EIF2S2: variants seen among roughly 807,000 people sequenced by gnomAD.
EIF2S2 encodes the protein eukaryotic translation initiation factor 2 subunit 2.
EIF2S2 carries 4 observed loss-of-function variants against 44.0 expected under a neutral mutation model. The ratio of observed to expected loss-of-function variants is 0.09; its 90% CI spans 0.04 to 0.21. The LOEUF is 0.21. Ranked by LOEUF, EIF2S2 falls within the 10% of genes least tolerant of loss-of-function variation. The pLI is 1.00. For missense variants in EIF2S2, 154 were observed against 392.0 expected, an observed-to-expected ratio of 0.39 and a Z score of 5.13; for synonymous variants, 108 against 128.3, an observed-to-expected ratio of 0.84 and a Z score of 1.07.
At chr20:34,100,959 G>A (rs1416704826) in intron 3 of EIF2S2, among the ~76,000 whole-genome samples, 1 of 151,728 alleles carries the variant, frequency 6.6e-6, no homozygotes, top group East Asian at 1.9e-4. Flanking sequence ...TCCCTATCCT[G>A]AACTGTGCTG....
chr20:34,099,227 G>C lies in EIF2S2; in HGVS notation c.298-594C>G, dbSNP rs531477068. On this transcript the variant is annotated intron_variant, in intron 3 of 8. Transcript: ENST00000374980. ...CTACTAAAGATACAAAAATTAGCTG[G>C]ATGTGGTGGCAGGCACCTGTAATCC... Among the ~76,000 whole-genome samples the C allele has an allele frequency of 1.7e-3, 257 of 152,226 alleles. 1 individual carries two copies. The highest frequency in any genetic ancestry group is 2.7e-3 in the Non-Finnish European group (183 of 68,012).
At chr20:34,111,423 T>TA (rs1016263551) in intron 1 of EIF2S2, among the ~76,000 whole-genome samples, 3 of 152,132 alleles carry the variant, frequency 2.0e-5, no homozygotes, top group African/African-American at 7.2e-5. Flanking sequence ...AGTACCACGG[T>TA]AAAAAAAGAT....
chr20:34,089,670 A>G lies in EIF2S2; in HGVS notation c.*60T>C. On this transcript the variant is annotated 3_prime_UTR_variant, in exon 9 of 9. Transcript: ENST00000374980. ...TTAATACAACGGTATATCCACTCTG[A>G]TGGCAAACCTGTCCAGCCACATCTC... is the stretch of plus-strand genomic sequence containing the variant. The G allele has an allele frequency of 6.4e-7, 1 of 1,556,468 alleles. No homozygotes were observed. The highest frequency in any genetic ancestry group is 8.7e-7 in the Non-Finnish European group (1 of 1,150,602).
rs1303014171 is a variant in EIF2S2 at position 34,090,668 on chromosome 20, C to T, written c.741-66G>A. The T allele has an allele frequency of 8.9e-6, 8 of 898,334 alleles. No individual in the cohort carries two copies. The East Asian group carries it at 1.9e-4, about 22-fold the overall frequency. The allele number at this position is 898,334 out of a possible 1,614,324, so 55.6% of individuals were successfully genotyped here. A position where few individuals can be genotyped will look rare whatever the true frequency, so the allele number is the denominator to read the frequency against. ...TTCCTAAAGGAACCAAATTCCAGCA[C>T]CTTTAAACTTAATGAACTTAAAATA... On this transcript the variant is annotated intron_variant, in intron 7 of 8. Transcript: ENST00000374980.
At position 34,089,841 on chromosome 20, in the gene EIF2S2, G is replaced by C. The variant is rs748946641; in HGVS notation, c.891C>G (p.Leu297=). The C allele has an allele frequency of 5.6e-6, 9 of 1,613,924 alleles. No homozygotes were observed. The highest frequency in any genetic ancestry group is 2.7e-5 in the African/African-American group (2 of 75,032). ...PDTILQKDTR[L]YFLQCETCHS... ...GACAAGTTTCGCACTGTAGGAAATA[G>C]AGTCGTGTGTCCTTCTGCAGGATTG... The change falls in exon 9 of 9, where the codon CTC becomes CTG. Residue 297 remains leucine (L), a synonymous_variant. Coordinates refer to ENST00000374980, the MANE Select transcript of EIF2S2 (RefSeq NM_003908.5).
chr20:34,098,290 G>GAA (rs1344195867), intron 4 of EIF2S2, among the ~76,000 whole-genome samples: 1 of 151,460 alleles, frequency 6.6e-6, no homozygotes, highest in Non-Finnish European at 1.5e-5. Context: ...TCCCAAGCCT[G>GAA]AATCAGTATG....
intron 1 of EIF2S2, among the ~76,000 whole-genome samples, chr20:34,109,622 C>G (rs965968281): frequency 6.6e-6 from 1 of 151,600 alleles, no homozygotes; most frequent in Non-Finnish European, 1.5e-5. Context: ...ATTGTGCCAC[C>G]GCACTCCAGC....
chr20:34,098,883 CAT>C (rs2122413661), intron 3 of EIF2S2, among the ~76,000 whole-genome samples: 1 of 152,280 alleles, frequency 6.6e-6, no homozygotes. Context: ...AAAAAAATCA[CAT>C]ATTCAAAATT....
chr20:34,097,195 T>C (rs1160290153), intron 5 of EIF2S2, among the ~76,000 whole-genome samples: 18 of 152,222 alleles, frequency 1.2e-4, no homozygotes, highest in Admixed American at 1.2e-3. Flanking sequence ...AGTCCACAAA[T>C]TCAGGTGGGG....
At chr20:34,107,123 A>G (rs1601539792) in intron 1 of EIF2S2, among the ~76,000 whole-genome samples, 2 of 152,124 alleles carry the variant, frequency 1.3e-5, no homozygotes, top group East Asian at 3.9e-4. Context: ...GCTTGCAGTG[A>G]GCCGAGATCG....
intron 6 of EIF2S2, among the ~76,000 whole-genome samples, chr20:34,094,928 C>T (rs374758595): frequency 8.5e-5 from 13 of 152,132 alleles, no homozygotes; most frequent in African/African-American, 2.9e-4. Context: ...ACATTGCTAG[C>T]GGGAGTATGA....
chr20:34,089,967 C>T (rs528192206), intron 8 of EIF2S2, 62 bp from the exon 9 acceptor site: 1 of 1,568,492 alleles, frequency 6.4e-7, no homozygotes, highest in South Asian at 1.1e-5. Flanking sequence ...AAGTTTCTGC[C>T]TTCTTAAATA....
intron 8 of EIF2S2, 104 bp downstream of exon 8, chr20:34,090,413 G>T: frequency 1.5e-6 from 1 of 670,060 alleles, no homozygotes; most frequent in Non-Finnish European, 2.3e-6. Context: ...ATCTTTTTAA[G>T]GCCAGCTTTT....
intron 6 of EIF2S2, among the ~76,000 whole-genome samples, chr20:34,095,734 C>T (rs768869139): frequency 1.3e-5 from 2 of 152,116 alleles, no homozygotes; most frequent in Non-Finnish European, 2.9e-5. Context: ...AAAATCTAAA[C>T]TATTTAAATA....
chr20:34,099,474 T>G (rs529601640), intron 3 of EIF2S2, among the ~76,000 whole-genome samples: 21 of 152,312 alleles, frequency 1.4e-4, no homozygotes, highest in Non-Finnish European at 2.1e-4. Flanking sequence ...GTGATTTTGA[T>G]ATAGTCATTG....
At chr20:34,104,144 G>C (rs2034323702) in intron 2 of EIF2S2, among the ~76,000 whole-genome samples, 1 of 152,180 alleles carries the variant, frequency 6.6e-6, no homozygotes, top group Admixed American at 6.5e-5. Flanking sequence ...CCAAGACAAA[G>C]TCAGAGCTCT....
At chr20:34,109,171 ATACT>A (rs2034382591) in intron 1 of EIF2S2, among the ~76,000 whole-genome samples, 1 of 152,140 alleles carries the variant, frequency 6.6e-6, no homozygotes, top group Admixed American at 6.5e-5. Flanking sequence ...TTTGAATCAA[ATACT>A]TTTTTTTTTA....
chr20:34,095,494 A>G (rs2034217515), intron 6 of EIF2S2, among the ~76,000 whole-genome samples: 1 of 152,090 alleles, frequency 6.6e-6, no homozygotes, highest in Non-Finnish European at 1.5e-5. Flanking sequence ...TGTATTTTTT[A>G]GTAGAGCCGG....
At position 34,112,228 on chromosome 20, in the gene EIF2S2, A is replaced by G; in HGVS notation, c.-118T>C. ...CACCACCGCACTAGGCTCTTGCATC[A>G]GCGAAAGGAAACGACACCCCGCCCT... On this transcript the variant is annotated 5_prime_UTR_variant, in exon 1 of 9. Coordinates refer to ENST00000374980, the MANE Select transcript of EIF2S2 (RefSeq NM_003908.5). The G allele has an allele frequency of 8.6e-7, 1 of 1,169,150 alleles. No individual in the cohort carries two copies. The highest frequency in any genetic ancestry group is 2.0e-5 in the South Asian group (1 of 49,026). 72.4% of individuals were successfully genotyped at this position (1,169,150 alleles called of 1,614,324 possible). A position where few individuals can be genotyped will look rare whatever the true frequency, so the allele number is the denominator to read the frequency against.
Sources: allele counts gnomAD v4.1 joint callset (sites outside exome capture counted in the v4.1 genomes callset), GRCh38; gene constraint gnomAD v4.1.1; transcripts MANE v1.5; gene names NCBI Gene and HGNC (gene_info 2026-07-23, HGNC 2026-07-21).